Variants in HS6ST3 observed in about 807,000 individuals in gnomAD.
HS6ST3 encodes heparan-sulfate 6-O-sulfotransferase 3.
Under a neutral mutation model 36.7 loss-of-function variants are expected in HS6ST3, and 12 were observed. That is an observed-to-expected ratio of 0.33 (90% CI 0.21 to 0.53). The LOEUF is 0.53. Among genes scored for constraint, HS6ST3 ranks in the 20% least tolerant of loss-of-function variants. The pLI is 0.95. For missense variants in HS6ST3, 584 were observed against 640.9 expected (o/e 0.91, Z 0.96); for synonymous variants, 240 against 257.5 (o/e 0.93, Z 0.65).
At position 96,304,196 on chromosome 13, in the gene HS6ST3, T is replaced by C. The variant is rs2054897862; in HGVS notation, c.707+212627T>C. ...TTCAAATATTTTCAATTTTGGCATA[T>C]GTTTTCTACTCATGCAGATTCTGTT... On this transcript the variant is annotated intron_variant, in intron 1 of 1. Transcript: ENST00000376705. Among the ~76,000 whole-genome samples the C allele has an allele frequency of 2.0e-5, 3 of 152,014 alleles. 1 individual carries two copies. In the South Asian group the frequency reaches 6.2e-4, roughly 32 times the overall value.
At position 96,393,131 on chromosome 13, in the gene HS6ST3, C is replaced by T. The variant is rs149846774; in HGVS notation, c.707+301562C>T. Among the ~76,000 whole-genome samples, 609 of 152,236 alleles carry T rather than the reference C, an allele frequency of 4.0e-3. 4 individuals are homozygous for T. The highest frequency in any genetic ancestry group is 0.014 in the African/African-American group (584 of 41,546). ...CTCTCTTGCCTGCTGCCATGTAAGA[C>T]GTGCCTTTCACCTTCCACCATGATT... On this transcript the variant is annotated intron_variant, in intron 1 of 1. Coordinates refer to ENST00000376705, the MANE Select transcript of HS6ST3 (RefSeq NM_153456.4).
chr13:96,353,671 A>G (rs1366836990), intron 1 of HS6ST3, among the ~76,000 whole-genome samples: 1 of 152,190 alleles, frequency 6.6e-6, no homozygotes, highest in East Asian at 1.9e-4. Context: ...AAAGATAAAT[A>G]ACAAACTAGG....
At chr13:96,618,982 A>G (rs2056484411) in intron 1 of HS6ST3, among the ~76,000 whole-genome samples, 1 of 152,016 alleles carries the variant, frequency 6.6e-6, no homozygotes. Context: ...ATATTTGGCA[A>G]GCAAAGAATA....
chr13:96,188,477 T>A (rs1276959469), intron 1 of HS6ST3, among the ~76,000 whole-genome samples: 3 of 152,078 alleles, frequency 2.0e-5, no homozygotes, highest in Non-Finnish European at 4.4e-5. Context: ...ACAAACAAAT[T>A]AGAGTAAACT....
intron 1 of HS6ST3, among the ~76,000 whole-genome samples, chr13:96,269,816 A>G (rs1024966260): frequency 4.6e-5 from 7 of 151,992 alleles, no homozygotes; most frequent in African/African-American, 1.5e-4. Flanking sequence ...AGTCTGATAA[A>G]TGTAGGTAAT....
chr13:96,178,671 GTGA>G (rs1351547000), intron 1 of HS6ST3, among the ~76,000 whole-genome samples: 1 of 152,136 alleles, frequency 6.6e-6, no homozygotes, highest in Admixed American at 6.5e-5. Context: ...TTAGGTTGGA[GTGA>G]ATCTCTCTGT....
chr13:96,544,116 G>A (rs1012387916), intron 1 of HS6ST3, among the ~76,000 whole-genome samples: 4 of 152,132 alleles, frequency 2.6e-5, no homozygotes, highest in African/African-American at 7.2e-5. Flanking sequence ...AAAAGGGCAA[G>A]TGCCTAGAAC....
chr13:96,256,838 C>T (rs941008882), intron 1 of HS6ST3, among the ~76,000 whole-genome samples: 1 of 152,140 alleles, frequency 6.6e-6, no homozygotes, highest in Admixed American at 6.5e-5. Flanking sequence ...CATATTTTAT[C>T]ATCCAAACCA....
At chr13:96,406,760 T>C (rs2055480612) in intron 1 of HS6ST3, among the ~76,000 whole-genome samples, 1 of 152,264 alleles carries the variant, frequency 6.6e-6, no homozygotes, top group South Asian at 2.1e-4. Flanking sequence ...TTAAGTTAGA[T>C]AGAGGTTTAT....
intron 1 of HS6ST3, among the ~76,000 whole-genome samples, chr13:96,265,179 C>A (rs1197367642): frequency 2.6e-5 from 4 of 151,946 alleles, no homozygotes; most frequent in Non-Finnish European, 5.9e-5. Flanking sequence ...TTAATATGCA[C>A]ACACTTTTTT....
intron 1 of HS6ST3, among the ~76,000 whole-genome samples, chr13:96,439,591 C>A (rs1020637036): frequency 5.9e-5 from 9 of 152,188 alleles, no homozygotes; most frequent in Non-Finnish European, 1.0e-4. Context: ...GCAAATTGCT[C>A]TTCCTACCTG....
intron 1 of HS6ST3, among the ~76,000 whole-genome samples, chr13:96,650,345 A>T (rs1384026929): frequency 6.6e-6 from 1 of 152,002 alleles, no homozygotes; most frequent in Non-Finnish European, 1.5e-5. Context: ...CACTATAAAT[A>T]TCTAAGAATG....
At chr13:96,627,389 G>T (rs762104511) in intron 1 of HS6ST3, among the ~76,000 whole-genome samples, 2 of 151,884 alleles carry the variant, frequency 1.3e-5, no homozygotes, top group African/African-American at 2.4e-5. Flanking sequence ...TATGTTGAGC[G>T]TCTTTTTAAT....
rs139695696 is a variant in HS6ST3, at chr13:96,777,500, G to A, written c.708-54990G>A. Among the ~76,000 whole-genome samples the A allele has an allele frequency of 4.2e-3, 633 of 152,276 alleles. 7 individuals carry two copies. Among genetic ancestry groups the A allele is most frequent in the African/African-American group, 0.015 (605 of 41,550 alleles). ...CAAAGTCTCAGGATACAAAATCAATGTACAAAAATCACAAGCATTCCTATA... is the reference window on the plus strand; with the variant it reads ...CAAAGTCTCAGGATACAAAATCAATATACAAAAATCACAAGCATTCCTATA... On this transcript the variant is annotated intron_variant, in intron 1 of 1. Transcript: ENST00000376705.
At chr13:96,430,859 A>G (rs2055611671) in intron 1 of HS6ST3, among the ~76,000 whole-genome samples, 1 of 152,072 alleles carries the variant, frequency 6.6e-6, no homozygotes, top group Non-Finnish European at 1.5e-5. Context: ...TCAGAGGCAC[A>G]TTTTCTCTCC....
chr13:96,201,535 G>A (rs1288621614), intron 1 of HS6ST3, among the ~76,000 whole-genome samples: 1 of 152,144 alleles, frequency 6.6e-6, no homozygotes, highest in Non-Finnish European at 1.5e-5. Flanking sequence ...CATTCCTGTT[G>A]AATTGGATTC....
At chr13:96,576,628 C>T (rs545001069) in intron 1 of HS6ST3, among the ~76,000 whole-genome samples, 11 of 152,246 alleles carry the variant, frequency 7.2e-5, no homozygotes, top group African/African-American at 2.6e-4. Context: ...TGCCATGCTC[C>T]TTAAGCTGAT....
intron 1 of HS6ST3, among the ~76,000 whole-genome samples, chr13:96,114,326 T>G (rs1252124601): frequency 6.6e-6 from 1 of 152,010 alleles, no homozygotes; most frequent in Non-Finnish European, 1.5e-5. Context: ...ATTTTTTCAT[T>G]TTTTGATGCG....
At chr13:96,433,200 CTCAGCTGAGCAAGG>C (rs2055624851) in intron 1 of HS6ST3, among the ~76,000 whole-genome samples, 1 of 152,114 alleles carries the variant, frequency 6.6e-6, no homozygotes, top group Non-Finnish European at 1.5e-5. Flanking sequence ...GTTCTAGTCC[CTCAGCTGAGCAAGG>C]TGGCTTCTTT....
Sources: gnomAD v4.1 joint callset for allele counts (sites outside exome capture counted in the v4.1 genomes callset) on GRCh38, gnomAD v4.1.1 for gene constraint, MANE v1.5 for transcripts, NCBI Gene and HGNC (gene_info 2026-07-23, HGNC 2026-07-21) for gene names.